Variants in ZC3H4 observed in about 807,000 individuals in gnomAD.
ZC3H4 encodes zinc finger CCCH-type containing 4, also known as zinc finger CCCH domain-containing protein 4.
ZC3H4 carries 13 observed loss-of-function variants against 108.3 expected under a neutral mutation model. The observed-to-expected ratio is 0.12, with a 90% CI of 0.08 to 0.19. The LOEUF is 0.19. ZC3H4 is among the 10% of genes least tolerant of loss of function. ZC3H4 has a pLI of 1.00. For missense variants in ZC3H4, 1,734 were observed against 1,838.8 expected, an observed-to-expected ratio of 0.94 and a Z score of 1.04; for synonymous variants, 917 against 749.6, an observed-to-expected ratio of 1.22 and a Z score of -3.65.
intron 14 of ZC3H4, 130 bp downstream of exon 14, chr19:47,068,962 C>A (rs1054188311): frequency 6.5e-7 from 1 of 1,527,998 alleles, no homozygotes; most frequent in Non-Finnish European, 8.7e-7. Context: ...GCTTCATGGC[C>A]CTGGACAGGG....
At chr19:47,089,853 T>C in intron 5 of ZC3H4, 114 bp downstream of exon 5, 1 of 1,071,026 alleles carries the variant, frequency 9.3e-7, no homozygotes, top group Non-Finnish European at 1.4e-6. Context: ...CCCTTCTTTG[T>C]ACACTTATCC....
At chr19:47,103,762 TAAAA>T (rs748735701) in intron 2 of ZC3H4, among the ~76,000 whole-genome samples, 1 of 108,450 alleles carries the variant, frequency 9.2e-6, no homozygotes, top group Non-Finnish European at 1.8e-5. Context: ...CCGTCTCTAC[TAAAA>T]AAAAAAAAAA....
At chr19:47,081,128 G>A (rs191928044) in intron 11 of ZC3H4, among the ~76,000 whole-genome samples, 14 of 152,032 alleles carry the variant, frequency 9.2e-5, no homozygotes, top group Admixed American at 2.0e-4. Flanking sequence ...TTGAACTCCT[G>A]AGCTCAACTG....
intron 2 of ZC3H4, among the ~76,000 whole-genome samples, chr19:47,108,545 T>A (rs1399029210): frequency 6.6e-6 from 1 of 152,166 alleles, no homozygotes; most frequent in Admixed American, 6.5e-5. Flanking sequence ...CACCGTTAAA[T>A]AAATTACTAA....
At chr19:47,100,225 G>A (rs2057885513) in intron 2 of ZC3H4, among the ~76,000 whole-genome samples, 1 of 152,214 alleles carries the variant, frequency 6.6e-6, no homozygotes, top group South Asian at 2.1e-4. Flanking sequence ...AGGACGTAAT[G>A]AAGCAGCCAT....
rs754076327 is a variant in ZC3H4, at chr19:47,093,973, C to T, written c.489G>A (p.Ala163=). The change falls in exon 4 of 15, where the codon GCG becomes GCA. Residue 163 remains alanine, a synonymous_variant. Coordinates refer to ENST00000253048, the MANE Select transcript of ZC3H4 (RefSeq NM_015168.2). ...RKYREYSPPY[A]PSHQQYPPSH... ...GCAGTGCATGCCAGTCACTCACCGGCGCATATGGGGGGCTGTACTCTCTGT... is the reference window on the plus strand; with the variant it reads ...GCAGTGCATGCCAGTCACTCACCGGTGCATATGGGGGGCTGTACTCTCTGT... 14 of 1,612,766 alleles carry T rather than the reference C, an allele frequency of 8.7e-6. No individual in the cohort carries two copies. In the East Asian group the frequency reaches 1.6e-4, roughly 18 times the overall value.
At chr19:47,108,341 C>G (rs73943625) in intron 2 of ZC3H4, among the ~76,000 whole-genome samples, 1 of 152,032 alleles carries the variant, frequency 6.6e-6, no homozygotes, top group Non-Finnish European at 1.5e-5. Flanking sequence ...CCACGGAGAC[C>G]TGGAAATAGT....
chr19:47,110,472 T>C (rs947528428), intron 2 of ZC3H4, among the ~76,000 whole-genome samples: 2 of 152,132 alleles, frequency 1.3e-5, no homozygotes, highest in African/African-American at 4.8e-5. Flanking sequence ...AATTAAACAT[T>C]GAAAGGATGT....
chr19:47,078,044 T>G (rs1447976506), intron 11 of ZC3H4, among the ~76,000 whole-genome samples: 1 of 152,174 alleles, frequency 6.6e-6, no homozygotes, highest in Non-Finnish European at 1.5e-5. Flanking sequence ...CTCTGTTGGC[T>G]TCACAGGTGC....
At chr19:47,110,719 A>C (rs572366565) in intron 2 of ZC3H4, among the ~76,000 whole-genome samples, 1 of 152,352 alleles carries the variant, frequency 6.6e-6, no homozygotes, top group South Asian at 2.1e-4. Context: ...AGCACCTTTG[A>C]GTAATGCACC....
At chr19:47,081,663 G>A (rs935980717) in intron 10 of ZC3H4, 41 bp from the exon 11 acceptor site, 7 of 1,536,018 alleles carry the variant, frequency 4.6e-6, no homozygotes, top group South Asian at 2.2e-5. Context: ...CTCACAGAAC[G>A]CCCCCCTCCC....
intron 5 of ZC3H4, among the ~76,000 whole-genome samples, chr19:47,088,863 C>A (rs1366067885): frequency 1.3e-5 from 2 of 152,162 alleles, no homozygotes; most frequent in Non-Finnish European, 2.9e-5. Context: ...GGCCTAGGAT[C>A]TCCCCAAAGC....
In ZC3H4 at chr19:47,072,885, T is replaced by C. The variant is rs1004987011; in HGVS notation, c.1441-172A>G. On this transcript the variant is annotated intron_variant, in intron 11 of 14. Transcript: ENST00000253048. This position sits in a 1 kb window ranked among gnomAD's most constrained non-coding sequence, Gnocchi z 5.6. ...AACAAAAATCATCATCAGCCACCTC[T>C]CTGCTCCACTCTCGGGGACCAGCTG... Among the ~76,000 whole-genome samples, 2 of 152,136 alleles carry C rather than the reference T, an allele frequency of 1.3e-5. No individual in the cohort carries two copies. Among genetic ancestry groups the C allele is most frequent in the Non-Finnish European group, 1.5e-5 (1 of 68,014 alleles).
rs1460135997 is a variant in ZC3H4 at position 47,066,917 on chromosome 19, G to A, written c.3351C>T (p.Ala1117=). Residue 1117 remains alanine (A), a synonymous_variant, in exon 15 of 15, where the codon GCC becomes GCT. Coordinates refer to ENST00000253048, the MANE Select transcript of ZC3H4 (RefSeq NM_015168.2). ...GCACGCGGGGGTCGTAGGGAGCGGT[G>A]GCTGGTGGGGAGGCATCCCCACTCG... ...ASPSGDASPP[A]TAPYDPRVLA... 3.1e-6 allele frequency: 5 copies of A among 1,596,546 alleles called. No homozygotes were observed. The highest frequency in any genetic ancestry group is 1.6e-4 in the Middle Eastern group (1 of 6,068).
Position 47,100,019 on chromosome 19 carries a change from G to T in ZC3H4, c.162-5411C>A, listed in dbSNP as rs368025995. Among the ~76,000 whole-genome samples the T allele has an allele frequency of 3.3e-5, 5 of 151,992 alleles. 1 individual carries two copies. Among genetic ancestry groups the T allele is most frequent in the African/African-American group, 1.2e-4 (5 of 41,448 alleles). Reference sequence around the variant, plus strand: ...AGGCTCTGAATGACCCATTAACTAGGGACAAAATCACAAAAATTACAAGGA... The same window carrying T: ...AGGCTCTGAATGACCCATTAACTAGTGACAAAATCACAAAAATTACAAGGA... On this transcript the variant is annotated intron_variant, in intron 2 of 14. Transcript: ENST00000253048.
intron 2 of ZC3H4, among the ~76,000 whole-genome samples, chr19:47,111,651 T>C (rs1202308089): frequency 6.9e-6 from 1 of 145,658 alleles, no homozygotes; most frequent in South Asian, 2.2e-4. Flanking sequence ...TCTAAAAAAA[T>C]AGGCTGGGGT....
intron 9 of ZC3H4, among the ~76,000 whole-genome samples, chr19:47,083,322 A>AAAAG (rs1555781059): frequency 6.7e-6 from 1 of 148,766 alleles, no homozygotes; most frequent in African/African-American, 2.5e-5. Context: ...AAAAAAAAAA[A>AAAAG]AGAGAGAGAG....
At chr19:47,087,839 A>C (rs1051747892) in intron 5 of ZC3H4, among the ~76,000 whole-genome samples, 1 of 152,022 alleles carries the variant, frequency 6.6e-6, no homozygotes, top group Non-Finnish European at 1.5e-5. Flanking sequence ...GTGCCACTGC[A>C]CTCCAGCCTG....
At chr19:47,068,703 T>C (rs758858017) in intron 14 of ZC3H4, among the ~76,000 whole-genome samples, 6 of 152,188 alleles carry the variant, frequency 3.9e-5, no homozygotes, top group Non-Finnish European at 7.3e-5. Context: ...CTATGATTAT[T>C]ACTGGTTAAT....
Sources: gnomAD v4.1 joint callset for allele counts (sites outside exome capture counted in the v4.1 genomes callset) on GRCh38, gnomAD v4.1.1 for gene constraint, Gnocchi (gnomAD v3.1) non-coding constraint, MANE v1.5 for transcripts, NCBI Gene and HGNC (gene_info 2026-07-23, HGNC 2026-07-21) for gene names.